CD27: variants seen among roughly 807,000 people sequenced by gnomAD.
CD27 encodes CD27 antigen.
Under a neutral mutation model 25.9 loss-of-function variants are expected in CD27, and 16 were observed. The observed-to-expected ratio is 0.62, with a 90% CI of 0.42 to 0.94. The LOEUF is 0.94. Among genes scored for constraint, CD27 ranks in the 40% least tolerant of loss-of-function variants. The pLI, the probability that CD27 is intolerant of heterozygous loss-of-function variation, is 0.00. For missense variants in CD27, 300 were observed against 333.2 expected, an observed-to-expected ratio of 0.90 and a Z score of 0.78; for synonymous variants, 142 against 124.3, an observed-to-expected ratio of 1.14 and a Z score of -0.95.
upstream of CD27, chr12:6,444,754 C>G (rs772148795): frequency 9.8e-6 from 2 of 203,554 alleles, no homozygotes; most frequent in Admixed American, 5.7e-5. Flanking sequence ...GTCAAAGAAG[C>G]AGGAGTCAGT....
At chr12:6,448,862 ACTAT>A (rs1949466306) in intron 2 of CD27, 1 of 152,212 alleles carries the variant, frequency 6.6e-6, no homozygotes, top group African/African-American at 2.4e-5. Context: ...AGCCATCAAC[ACTAT>A]CTAATTCTAT....
chr12:6,447,387 A>T lies in CD27; in HGVS notation c.268+1832A>T, dbSNP rs2136963223. 1.3e-5 allele frequency: 2 copies of T among 152,226 alleles called. 1 individual carries two copies. The highest frequency in any genetic ancestry group is 4.2e-4 in the South Asian group (2 of 4,816). The allele number at this position is 152,226 out of a possible 1,614,324, so 9.4% of individuals were successfully genotyped here. A position where few individuals can be genotyped will look rare whatever the true frequency, so the allele number is the denominator to read the frequency against. The stretch of plus-strand genomic sequence containing the variant: ...CCTTCTCTGGGAGCTCAGCCAATAG[A>T]TCCCAAAGTACCACAGCAGCACCTG... On this transcript the variant is annotated intron_variant, in intron 2 of 5. Transcript: ENST00000266557.
rs766298479 is a variant in CD27, at chr12:6,445,065, G to A, written c.-31G>A. The A allele has an allele frequency of 6.3e-7, 1 of 1,583,456 alleles. No individual in the cohort carries two copies. Among genetic ancestry groups the A allele is most frequent in the Non-Finnish European group, 8.6e-7 (1 of 1,168,514 alleles). ...CTCCAGAGGCCAGCATCAGCAACTG[G>A]GCACAGAAAGGAGCCGCCTGGGCAG... On this transcript the variant is annotated 5_prime_UTR_variant, in exon 1 of 6. Transcript: ENST00000266557. This position sits in a 1 kb window ranked among gnomAD's most constrained non-coding sequence, Gnocchi z 4.5.
In CD27 at chr12:6,445,056, C is replaced by A; in HGVS notation, c.-40C>A. The A allele has an allele frequency of 6.4e-7, 1 of 1,573,226 alleles. No individual in the cohort carries two copies. The highest frequency in any genetic ancestry group is 8.6e-7 in the Non-Finnish European group (1 of 1,163,814). On this transcript the variant is annotated 5_prime_UTR_variant, in exon 1 of 6. Coordinates refer to ENST00000266557, the MANE Select transcript of CD27 (RefSeq NM_001242.5). The surrounding 1 kb of genome is among the most constrained non-coding windows in gnomAD (Gnocchi z 4.5). ...AGGTGCTAACTCCAGAGGCCAGCAT[C>A]AGCAACTGGGCACAGAAAGGAGCCG... is the stretch of plus-strand genomic sequence containing the variant.
Position 6,451,459 on chromosome 12 carries a change from AGAGT to A in CD27, c.*71_*74del, listed in dbSNP as rs1434406182. On this transcript the variant is annotated 3_prime_UTR_variant, in exon 6 of 6. Coordinates refer to ENST00000266557, the MANE Select transcript of CD27 (RefSeq NM_001242.5). Reference sequence around the variant, plus strand: ...CCCCACCCCGCCGACCATCCAAGGGAGAGTGAGACCTGGCAGCCACAACTGCAGT... The same window carrying A: ...CCCCACCCCGCCGACCATCCAAGGGAGAGACCTGGCAGCCACAACTGCAGT... 3 of 1,505,118 alleles carry A rather than the reference AGAGT, an allele frequency of 2.0e-6. No individual in the cohort carries two copies. Among genetic ancestry groups the A allele is most frequent in the African/African-American group, 1.4e-5 (1 of 72,064 alleles). 93.2% of individuals were successfully genotyped at this position (1,505,118 alleles called of 1,614,324 possible).
Position 6,450,487 on chromosome 12 carries a change from A to AGATGTGCT in CD27, c.449-47_449-46insTGATGTGC, listed in dbSNP as rs1215087612. The stretch of plus-strand genomic sequence containing the variant: ...CCCATCCAGCACCTCTCAGGCCTTC[A>AGATGTGCT]GATGTGCCCTATGGGGTCCCCTGCT... On this transcript the variant is annotated intron_variant, in intron 3 of 5. Coordinates refer to ENST00000266557, the MANE Select transcript of CD27 (RefSeq NM_001242.5). The surrounding 1 kb of genome is among the most constrained non-coding windows in gnomAD (Gnocchi z 4.1). 1 of 1,575,552 alleles carries AGATGTGCT rather than the reference A, an allele frequency of 6.3e-7. No individual in the cohort carries two copies. Among genetic ancestry groups the AGATGTGCT allele is most frequent in the Non-Finnish European group, 8.7e-7 (1 of 1,148,606 alleles).
chr12:6,444,829 T>G, upstream of CD27: 2 of 380,068 alleles, frequency 5.3e-6, no homozygotes, highest in Non-Finnish European at 9.5e-6. Context: ...GGAGGAAGCA[T>G]GTTTGAAGAG....
At chr12:6,444,884 A>G, upstream of CD27, 1 of 542,264 alleles carries the variant, frequency 1.8e-6, no homozygotes, top group East Asian at 3.3e-5. Context: ...TCCCCAGCAC[A>G]CGGAAGGGGA....
At chr12:6,447,425 C>A (rs1949432405) in intron 2 of CD27, 1 of 150,928 alleles carries the variant, frequency 6.6e-6, no homozygotes, top group Admixed American at 6.6e-5. Context: ...TGCAGAAGGA[C>A]CCCCGGGAAA....
In CD27 at chr12:6,451,033, G is replaced by T. The variant is rs371256239; in HGVS notation, c.658+19G>T. 6.2e-7 allele frequency: 1 copy of T among 1,613,794 alleles called. No individual in the cohort carries two copies. The highest frequency in any genetic ancestry group is 1.7e-4 in the Middle Eastern group (1 of 5,926). ...AGATCAAGTAAGAGACAGAACACAG[G>T]CCTCCGGTCCTGCCCCTGCACCACA... On this transcript the variant is annotated intron_variant, in intron 5 of 5. Coordinates refer to ENST00000266557, the MANE Select transcript of CD27 (RefSeq NM_001242.5).
In CD27 at chr12:6,450,149, C is replaced by T. The variant is rs1239047325; in HGVS notation, c.269-24C>T. 1.6e-5 allele frequency: 25 copies of T among 1,601,202 alleles called. No homozygotes were observed. The highest frequency in any genetic ancestry group is 2.1e-5 in the Non-Finnish European group (25 of 1,175,982). ...TCTCCACAGGTCTGAGTGTCCTATG[C>T]TCCCTGGGCCTCTCTTCCCCCAGGT... On this transcript the variant is annotated intron_variant, in intron 2 of 5. Coordinates refer to ENST00000266557, the MANE Select transcript of CD27 (RefSeq NM_001242.5). The surrounding 1 kb of genome is among the most constrained non-coding windows in gnomAD (Gnocchi z 4.1).
Position 6,450,662 on chromosome 12 carries a change from G to A in CD27, c.538+32G>A. 1 of 1,585,508 alleles carries A rather than the reference G, an allele frequency of 6.3e-7. No individual in the cohort carries two copies. The highest frequency in any genetic ancestry group is 8.6e-7 in the Non-Finnish European group (1 of 1,158,496). ...TTTCTCCTTAATCCCCACCGCTAGA[G>A]AGAATGCATACACGAGGGGCCAGGA... On this transcript the variant is annotated intron_variant, in intron 4 of 5. Coordinates refer to ENST00000266557, the MANE Select transcript of CD27 (RefSeq NM_001242.5). The surrounding 1 kb of genome is among the most constrained non-coding windows in gnomAD (Gnocchi z 4.1).
chr12:6,447,977 C>G (rs1362796173), intron 2 of CD27: 1 of 152,378 alleles, frequency 6.6e-6, no homozygotes, highest in Non-Finnish European at 1.5e-5. Context: ...GCTCTCCCCT[C>G]CTGCACTGTC....
chr12:6,445,350 T>C lies in CD27; in HGVS notation c.137-74T>C. ...AGCAAGGAGGGAAATCCTGCAGCTG[T>C]GGGGAGGCACCACCTTGAAGAGGGC... On this transcript the variant is annotated intron_variant, in intron 1 of 5. Transcript: ENST00000266557. This position sits in a 1 kb window ranked among gnomAD's most constrained non-coding sequence, Gnocchi z 4.5. The C allele has an allele frequency of 3.1e-6, 5 of 1,608,678 alleles. No homozygotes were observed. In the South Asian group the frequency reaches 4.4e-5, roughly 14 times the overall value.
At position 6,451,626 on chromosome 12, in the gene CD27, G is replaced by A. The variant is rs895228114; in HGVS notation, c.*234G>A. On this transcript the variant is annotated 3_prime_UTR_variant, in exon 6 of 6. Coordinates refer to ENST00000266557, the MANE Select transcript of CD27 (RefSeq NM_001242.5). ...GCCAGCTGCGCCTGCGCTGCAGGAG[G>A]GCGGGGGCTCTGGTTGTAAAACACA... The A allele has an allele frequency of 4.0e-6, 2 of 494,764 alleles. No individual in the cohort carries two copies. The highest frequency in any genetic ancestry group is 7.2e-6 in the Non-Finnish European group (2 of 279,590). 30.6% of individuals were successfully genotyped at this position (494,764 alleles called of 1,614,324 possible). A position where few individuals can be genotyped will look rare whatever the true frequency, so the allele number is the denominator to read the frequency against.
intron 5 of CD27, 81 bp downstream of exon 5, chr12:6,451,095 C>T (rs2136970668): frequency 6.3e-7 from 1 of 1,591,442 alleles, no homozygotes; most frequent in East Asian, 2.2e-5. Flanking sequence ...CGCCTGGAAT[C>T]TCACTGAAAC....
chr12:6,444,966 G>T lies in CD27; in HGVS notation c.-130G>T. 2 of 988,876 alleles carry T rather than the reference G, an allele frequency of 2.0e-6. No individual in the cohort carries two copies. The highest frequency in any genetic ancestry group is 2.9e-6 in the Non-Finnish European group (2 of 699,846). The allele number at this position is 988,876 out of a possible 1,614,324, so 61.3% of individuals were successfully genotyped here. A position where few individuals can be genotyped will look rare whatever the true frequency, so the allele number is the denominator to read the frequency against. ...AATAGAGATTCTGCCTTCAAAGGTT[G>T]GCTTGCCACCTGAAGCAGCCACTGC... On this transcript the variant is annotated 5_prime_UTR_variant, in exon 1 of 6. Transcript: ENST00000266557.
At position 6,445,889 on chromosome 12, in the gene CD27, G is replaced by A. The variant is rs780075108; in HGVS notation, c.268+334G>A. On this transcript the variant is annotated intron_variant, in intron 2 of 5. Transcript: ENST00000266557. The surrounding 1 kb of genome is among the most constrained non-coding windows in gnomAD (Gnocchi z 4.5). ...GCAACCCCCAACCAATAAACTGACTGTGTTCCCAGAGTGCACATGTGCAGG... is the reference window on the plus strand; with the variant it reads ...GCAACCCCCAACCAATAAACTGACTATGTTCCCAGAGTGCACATGTGCAGG... Among the ~76,000 whole-genome samples, 2 of 152,166 alleles carry A rather than the reference G, an allele frequency of 1.3e-5. No homozygotes were observed. The highest frequency in any genetic ancestry group is 2.9e-5 in the Non-Finnish European group (2 of 68,030).
At chr12:6,449,721 A>AGG (rs1565509923) in intron 2 of CD27, among the ~76,000 whole-genome samples, 16 of 151,678 alleles carry the variant, frequency 1.1e-4, no homozygotes, top group Non-Finnish European at 2.1e-4. Flanking sequence ...GTGGTGGCAC[A>AGG]CACCTGTAAT....
Sources: allele counts gnomAD v4.1 joint callset (sites outside exome capture counted in the v4.1 genomes callset), GRCh38; gene constraint gnomAD v4.1.1; non-coding constraint Gnocchi (gnomAD v3.1); transcripts MANE v1.5; gene names NCBI Gene and HGNC (gene_info 2026-07-23, HGNC 2026-07-21).